The following SLIT2 variants were observed in gnomAD, a reference collection of about 807,000 sequenced individuals.
The protein encoded by SLIT2 is slit homolog 2 protein.
SLIT2 carries 41 observed loss-of-function variants against 185.7 expected under a neutral mutation model. That is an observed-to-expected ratio of 0.22 (90% confidence interval 0.17 to 0.29). The LOEUF is 0.29. SLIT2 is among the 10% of genes least tolerant of loss of function. SLIT2 has a pLI of 1.00. For synonymous variants in SLIT2, 693 were observed against 680.2 expected, an observed-to-expected ratio of 1.02 and a Z score of -0.29; for missense variants, 1,571 against 1,909.0, an observed-to-expected ratio of 0.82 and a Z score of 3.30.
At chr4:20,452,215 T>C (rs1055328080) in intron 4 of SLIT2, among the ~76,000 whole-genome samples, 1 of 152,206 alleles carries the variant, frequency 6.6e-6, no homozygotes, top group African/African-American at 2.4e-5. Flanking sequence ...CCAGCCTGTG[T>C]CATTTTGTTT....
At chr4:20,334,102 T>A (rs1720293081) in intron 4 of SLIT2, among the ~76,000 whole-genome samples, 1 of 152,194 alleles carries the variant, frequency 6.6e-6, no homozygotes, top group Non-Finnish European at 1.5e-5. Context: ...AGATCATTTT[T>A]AAAATCATCA....
At chr4:20,557,872 A>G (rs1724392352) in intron 26 of SLIT2, among the ~76,000 whole-genome samples, 1 of 152,068 alleles carries the variant, frequency 6.6e-6, no homozygotes, top group Admixed American at 6.6e-5. Flanking sequence ...AGTTGATTCC[A>G]ATCTGCATAG....
intron 4 of SLIT2, among the ~76,000 whole-genome samples, chr4:20,449,659 G>A (rs1017256274): frequency 1.3e-5 from 2 of 151,904 alleles, no homozygotes; most frequent in East Asian, 3.9e-4. Context: ...CACCCACCTC[G>A]GCCTCTCAAA....
At chr4:20,265,256 A>C (rs1442527339) in intron 3 of SLIT2, among the ~76,000 whole-genome samples, 1 of 151,976 alleles carries the variant, frequency 6.6e-6, no homozygotes. Flanking sequence ...TTAAATTTTA[A>C]ATAAATGCTC....
At position 20,418,930 on chromosome 4, in the gene SLIT2, GA is replaced by G. The variant is rs1457046581; in HGVS notation, c.396-48815del. ...ATGAACTCTCATCTCCCGCCCCACA[GA>G]AAAAAACTAATTATTGGAATTTTTT... is the stretch of plus-strand genomic sequence containing the variant. On this transcript the variant is annotated intron_variant, in intron 4 of 36. Transcript: ENST00000504154. 3.3e-5 allele frequency among the ~76,000 whole-genome samples: 5 copies of G among 152,036 alleles called. No homozygotes were observed. In the East Asian group the frequency reaches 9.6e-4, roughly 29 times the overall value.
intron 26 of SLIT2, among the ~76,000 whole-genome samples, chr4:20,555,834 C>T (rs1456722894): frequency 6.6e-6 from 1 of 151,758 alleles, no homozygotes; most frequent in Non-Finnish European, 1.5e-5. Context: ...ACAAGATCCC[C>T]CTTAATATAT....
At chr4:20,263,626 G>A (rs1366776391) in intron 3 of SLIT2, among the ~76,000 whole-genome samples, 1 of 151,846 alleles carries the variant, frequency 6.6e-6, no homozygotes, top group Non-Finnish European at 1.5e-5. Context: ...AGAAACGCTA[G>A]AAAAGAGTGA....
At chr4:20,372,320 G>A (rs1723653829) in intron 4 of SLIT2, among the ~76,000 whole-genome samples, 1 of 151,670 alleles carries the variant, frequency 6.6e-6, no homozygotes, top group Non-Finnish European at 1.5e-5. Flanking sequence ...TCTGCTTTGT[G>A]AGCCTGTGAT....
At chr4:20,490,833 T>C (rs775178362) in intron 8 of SLIT2, 215 of 1,511,042 alleles carry the variant, frequency 1.4e-4, no homozygotes, top group Non-Finnish European at 1.7e-4. Flanking sequence ...ACATTTCTTT[T>C]TTAGACCGAG....
intron 4 of SLIT2, among the ~76,000 whole-genome samples, chr4:20,330,502 G>A (rs887665395): frequency 4.6e-5 from 7 of 152,040 alleles, no homozygotes; most frequent in African/African-American, 1.7e-4. Flanking sequence ...TATCTTAGAA[G>A]TTTAGAGAGT....
At chr4:20,446,787 G>C (rs996646479) in intron 4 of SLIT2, among the ~76,000 whole-genome samples, 2 of 152,160 alleles carry the variant, frequency 1.3e-5, no homozygotes, top group Non-Finnish European at 1.5e-5. Flanking sequence ...TTAACTCTAT[G>C]TACAGACGGA....
chr4:20,425,981 GTCACCT>G (rs1728530558), intron 4 of SLIT2, among the ~76,000 whole-genome samples: 2 of 152,144 alleles, frequency 1.3e-5, no homozygotes, highest in Admixed American at 1.3e-4. Context: ...GGGATTTGCT[GTCACCT>G]TAGGAGCTTC....
In SLIT2 at chr4:20,253,920, G is replaced by A. The variant is rs947415082; in HGVS notation, c.105G>A (p.Ser35=). The A allele has an allele frequency of 6.2e-7, 1 of 1,602,424 alleles. No individual in the cohort carries two copies. The highest frequency in any genetic ancestry group is 8.5e-7 in the Non-Finnish European group (1 of 1,179,912). ...PQACPAQCSC[S]GSTVDCHGLA... The stretch of plus-strand genomic sequence containing the variant: ...CGTGCCCGGCGCAGTGCTCTTGCTC[G>A]GGCAGCACAGTGGACTGTCACGGGC... The change falls in exon 1 of 37, where the codon TCG becomes TCA. Residue 35 remains serine, a synonymous_variant. Transcript: ENST00000504154.
chr4:20,453,027 C>T (rs747447335), intron 4 of SLIT2, among the ~76,000 whole-genome samples: 9 of 152,202 alleles, frequency 5.9e-5, no homozygotes, highest in Non-Finnish European at 1.2e-4. Context: ...AATGTGACTT[C>T]AGTTCCCTCA....
chr4:20,430,233 A>G (rs1376956995), intron 4 of SLIT2, among the ~76,000 whole-genome samples: 1 of 152,278 alleles, frequency 6.6e-6, no homozygotes, highest in Non-Finnish European at 1.5e-5. Flanking sequence ...GATTTAGGGT[A>G]TATCTTACAA....
intron 33 of SLIT2, among the ~76,000 whole-genome samples, chr4:20,600,954 T>A (rs1258868554): frequency 1.3e-5 from 2 of 149,814 alleles, no homozygotes; most frequent in Admixed American, 6.6e-5. Flanking sequence ...GAAAATAATA[T>A]AAGAAAAAAG....
intron 30 of SLIT2, among the ~76,000 whole-genome samples, chr4:20,591,629 C>G (rs1412016042): frequency 1.3e-5 from 2 of 151,752 alleles, no homozygotes; most frequent in South Asian, 2.1e-4. Context: ...TTTTATTCAA[C>G]CAAACACTGT....
chr4:20,348,319 A>T (rs185459083), intron 4 of SLIT2, among the ~76,000 whole-genome samples: 213 of 151,706 alleles, frequency 1.4e-3, no homozygotes, highest in Non-Finnish European at 2.5e-3. Flanking sequence ...GCTCATTGCA[A>T]CCTCCACTTC....
chr4:20,480,660 C>T (rs1447957038), intron 5 of SLIT2, 56 bp from the exon 6 acceptor site: 52 of 1,373,246 alleles, frequency 3.8e-5, no homozygotes, highest in Non-Finnish European at 5.2e-5. Context: ...CTTCTCATCA[C>T]CTACCCCAGC....
Sources: gnomAD v4.1 joint callset for allele counts (sites outside exome capture counted in the v4.1 genomes callset) on GRCh38, gnomAD v4.1.1 for gene constraint, MANE v1.5 for transcripts, NCBI Gene and HGNC (gene_info 2026-07-23, HGNC 2026-07-21) for gene names.